HSF5: variants seen among roughly 807,000 people sequenced by gnomAD.
HSF5 encodes heat shock transcription factor 5.
Under a neutral mutation model 50.8 loss-of-function variants are expected in HSF5, and 5 were observed. The observed-to-expected ratio is 0.10, with a 90% confidence interval of 0.05 to 0.21. The LOEUF is 0.21. HSF5 is among the 10% of genes least tolerant of loss of function. HSF5 has a pLI of 1.00. For synonymous variants in HSF5, 307 were observed against 307.4 expected (o/e 1.00, Z 0.02); for missense variants, 564 against 762.6 (o/e 0.74, Z 3.07).
At chr17:58,471,620 TC>T (rs1369837889) in intron 2 of HSF5, among the ~76,000 whole-genome samples, 2 of 47,412 alleles carry the variant, frequency 4.2e-5, no homozygotes, top group Non-Finnish European at 7.4e-5. Flanking sequence ...TCCTTTTCTT[TC>T]TTTTTTTTTT....
intron 5 of HSF5, among the ~76,000 whole-genome samples, chr17:58,427,375 G>T (rs547055623): frequency 7.9e-5 from 12 of 152,144 alleles, no homozygotes; most frequent in Non-Finnish European, 1.6e-4. Context: ...TTATAATTTA[G>T]TTACGGAAGG....
chr17:58,477,150 T>C (rs1975026514), intron 2 of HSF5, among the ~76,000 whole-genome samples: 2 of 147,616 alleles, frequency 1.4e-5, no homozygotes, highest in Admixed American at 1.3e-4. Flanking sequence ...GATGGAGTCC[T>C]GCTCTGTCAC....
chr17:58,459,646 CAA>C (rs35302270), intron 4 of HSF5, among the ~76,000 whole-genome samples: 11 of 105,544 alleles, frequency 1.0e-4, no homozygotes, highest in Admixed American at 3.0e-4. Flanking sequence ...GACTACATCT[CAA>C]AAAAAAAAAA....
chr17:58,437,959 T>A (rs1974447977), intron 5 of HSF5, among the ~76,000 whole-genome samples: 2 of 152,192 alleles, frequency 1.3e-5, no homozygotes, highest in South Asian at 4.1e-4. Flanking sequence ...CTCATAAGCA[T>A]TTTAGTTATC....
At chr17:58,466,371 G>A (rs987539898) in intron 3 of HSF5, among the ~76,000 whole-genome samples, 2 of 152,044 alleles carry the variant, frequency 1.3e-5, no homozygotes, top group African/African-American at 4.8e-5. Context: ...CACTTGTAGC[G>A]TTTATCTGGT....
chr17:58,456,303 A>T (rs1974712857), intron 5 of HSF5, among the ~76,000 whole-genome samples: 1 of 152,152 alleles, frequency 6.6e-6, no homozygotes. Flanking sequence ...TAAGTGAAAT[A>T]AGCCAGGCAC....
intron 2 of HSF5, among the ~76,000 whole-genome samples, chr17:58,475,567 G>T (rs1478034196): frequency 6.6e-6 from 1 of 152,124 alleles, no homozygotes; most frequent in Non-Finnish European, 1.5e-5. Flanking sequence ...AATTAAACAT[G>T]CAAAAAGAGA....
At position 58,487,726 on chromosome 17, in the gene HSF5, G is replaced by C. The variant is rs1443611576; in HGVS notation, c.549C>G (p.His183Gln). 1 of 1,383,388 alleles carries C rather than the reference G, an allele frequency of 7.2e-7. No individual in the cohort carries two copies. Among genetic ancestry groups the C allele is most frequent in the Non-Finnish European group, 9.3e-7 (1 of 1,079,626 alleles). 85.7% of individuals were successfully genotyped at this position (1,383,388 alleles called of 1,614,324 possible). Reference sequence around the variant, plus strand: ...AGGGCACGGGCAGTCCGGACTCACCGTGCGGCTCGGGCCGGGGCCCCGCGG... The same window carrying C: ...AGGGCACGGGCAGTCCGGACTCACCCTGCGGCTCGGGCCGGGGCCCCGCGG... ...PPPAGPRPEP[H>Q]GPVAVGQFHR... Residue 183 changes from histidine (H) to glutamine (Q), a missense_variant and splice_region_variant, in exon 1 of 6, where the codon CAC (histidine) becomes CAG (glutamine). Physicochemically the swap from His to Gln is conservative, Grantham distance 24 (BLOSUM62 0). Transcript: ENST00000323777.
chr17:58,462,688 A>C (rs947300314), intron 4 of HSF5, 94 bp downstream of exon 4: 17 of 1,258,980 alleles, frequency 1.4e-5, no homozygotes, highest in Non-Finnish European at 1.8e-5. Context: ...ATTAAACCCA[A>C]ATAAAATCTG....
intron 5 of HSF5, among the ~76,000 whole-genome samples, chr17:58,443,490 G>T (rs1171072074): frequency 6.6e-6 from 1 of 152,028 alleles, no homozygotes; most frequent in Non-Finnish European, 1.5e-5. Context: ...TAATCAACTT[G>T]CCTGCTCTCG....
intron 5 of HSF5, among the ~76,000 whole-genome samples, chr17:58,436,512 C>G (rs73993671): frequency 6.6e-6 from 1 of 151,240 alleles, no homozygotes; most frequent in Non-Finnish European, 1.5e-5. Context: ...ATTAACTGCA[C>G]TGACCAAAGG....
chr17:58,435,006 G>A (rs953495514), intron 5 of HSF5, among the ~76,000 whole-genome samples: 27 of 152,238 alleles, frequency 1.8e-4, no homozygotes, highest in African/African-American at 5.5e-4. Flanking sequence ...GAAAGGCAGC[G>A]TGTAGGGTTA....
rs144711347 is a variant in HSF5, at chr17:58,466,063, T to C, written c.1020+822A>G. 3.0e-4 allele frequency among the ~76,000 whole-genome samples: 45 copies of C among 152,214 alleles called. 1 individual carries two copies. The East Asian group carries it at 8.3e-3, about 28-fold the overall frequency. Reference sequence around the variant, plus strand: ...TTACCTTTAAACTATATGCATAAGGTATATATGAAACATAATTAGATTTTA... The same window carrying C: ...TTACCTTTAAACTATATGCATAAGGCATATATGAAACATAATTAGATTTTA... On this transcript the variant is annotated intron_variant, in intron 3 of 5. Coordinates refer to ENST00000323777, the MANE Select transcript of HSF5 (RefSeq NM_001080439.3).
intron 5 of HSF5, among the ~76,000 whole-genome samples, chr17:58,430,532 T>C (rs180985168): frequency 2.0e-5 from 3 of 152,248 alleles, no homozygotes; most frequent in African/African-American, 7.2e-5. Flanking sequence ...GGCAAGTGTG[T>C]CTGCAGCTGG....
chr17:58,477,074 C>A, intron 2 of HSF5: 1 of 474,982 alleles, frequency 2.1e-6, no homozygotes, highest in Non-Finnish European at 3.8e-6. Context: ...GCGCTGCCCT[C>A]GCGGCCTGAC....
intron 2 of HSF5, among the ~76,000 whole-genome samples, chr17:58,472,993 T>G (rs1974969528): frequency 6.6e-6 from 1 of 151,650 alleles, no homozygotes; most frequent in South Asian, 2.1e-4. Flanking sequence ...AAAAATTATC[T>G]CAAAAAAACA....
intron 5 of HSF5, among the ~76,000 whole-genome samples, chr17:58,422,887 G>A (rs961464579): frequency 1.3e-5 from 2 of 152,032 alleles, no homozygotes; most frequent in South Asian, 2.1e-4. Flanking sequence ...GTGGAGACGG[G>A]GTTTCAGCAT....
At position 58,458,794 on chromosome 17, in the gene HSF5, C is replaced by T. The variant is rs1974748994; in HGVS notation, c.1694G>A (p.Ser565Asn). The change falls in exon 5 of 6, where the codon AGC becomes AAC. Residue 565 changes from serine (S) to asparagine (N), a missense_variant. Physicochemically the swap from Ser to Asn is conservative, Grantham distance 46. Transcript: ENST00000323777. ...AGGGGACTTTCCTTGTTGTGAGTTGCTTCTGTGCTCTCTGTATCTGGCTGG... is the reference window on the plus strand; with the variant it reads ...AGGGGACTTTCCTTGTTGTGAGTTGTTTCTGTGCTCTCTGTATCTGGCTGG... The part of the protein sequence containing the change: ...ATPARYREHR[S>N]NSQQGKSPDL... 1.2e-6 allele frequency: 2 copies of T among 1,613,190 alleles called. No individual in the cohort carries two copies. The highest frequency in any genetic ancestry group is 1.1e-5 in the South Asian group (1 of 90,898).
intron 5 of HSF5, among the ~76,000 whole-genome samples, chr17:58,446,622 G>T (rs1033359154): frequency 6.6e-6 from 1 of 152,190 alleles, no homozygotes; most frequent in Non-Finnish European, 1.5e-5. Context: ...ACTGTGGGCT[G>T]ACTAAAGTGG....
Sources: allele counts gnomAD v4.1 joint callset (sites outside exome capture counted in the v4.1 genomes callset), GRCh38; gene constraint gnomAD v4.1.1; transcripts MANE v1.5; gene names NCBI Gene and HGNC (gene_info 2026-07-23, HGNC 2026-07-21).